Variants in CLSTN2 observed in about 807,000 individuals in gnomAD.
CLSTN2 encodes calsyntenin-2.
A neutral mutation model predicts 101.2 loss-of-function variants in CLSTN2; 48 were observed. The ratio of observed to expected loss-of-function variants is 0.47; its 90% confidence interval spans 0.38 to 0.60. CLSTN2 has a LOEUF of 0.60. Among genes scored for constraint, CLSTN2 ranks in the 20% least tolerant of loss-of-function variants. The pLI is 0.00. For synonymous variants in CLSTN2, 481 were observed against 463.6 expected, an observed-to-expected ratio of 1.04 and a Z score of -0.48; for missense variants, 1,160 against 1,238.2, an observed-to-expected ratio of 0.94 and a Z score of 0.95.
chr3:140,392,774 G>A (rs2088131054), intron 2 of CLSTN2, among the ~76,000 whole-genome samples: 1 of 152,056 alleles, frequency 6.6e-6, no homozygotes, highest in South Asian at 2.1e-4. Flanking sequence ...AGTAGATGGT[G>A]TCTTAGTCTG....
At chr3:140,397,209 G>A (rs2088192345) in intron 2 of CLSTN2, among the ~76,000 whole-genome samples, 1 of 152,068 alleles carries the variant, frequency 6.6e-6, no homozygotes, top group Non-Finnish European at 1.5e-5. Context: ...AAACAGCTAA[G>A]TCCTCATATC....
rs146359309 is a variant in CLSTN2 at position 140,549,586 on chromosome 3, C to T, written c.1674+2905C>T. On this transcript the variant is annotated intron_variant, in intron 10 of 16. Coordinates refer to ENST00000458420, the MANE Select transcript of CLSTN2 (RefSeq NM_022131.3). ...CACAACAAATTAAATACTATGACCC[C>T]ATTTCAAAACTAAGGGGACTGGGGC... is the stretch of plus-strand genomic sequence containing the variant. Among the ~76,000 whole-genome samples, 646 of 150,728 alleles carry T rather than the reference C, an allele frequency of 4.3e-3. 24 individuals are homozygous for T. The highest frequency in any genetic ancestry group is 0.039 in the Admixed American group (594 of 15,084).
At chr3:140,371,826 G>C (rs2087861017) in intron 2 of CLSTN2, among the ~76,000 whole-genome samples, 2 of 152,180 alleles carry the variant, frequency 1.3e-5, no homozygotes, top group Non-Finnish European at 2.9e-5. Context: ...TGGCACTTCT[G>C]ATAAGTGGGC....
chr3:140,076,014 G>C (rs1316231513), intron 1 of CLSTN2, among the ~76,000 whole-genome samples: 1 of 152,060 alleles, frequency 6.6e-6, no homozygotes, highest in Non-Finnish European at 1.5e-5. Flanking sequence ...TAGACCCACT[G>C]TTGTACAGCA....
intron 1 of CLSTN2, among the ~76,000 whole-genome samples, chr3:140,122,764 C>A (rs1219689402): frequency 6.6e-6 from 1 of 152,190 alleles, no homozygotes; most frequent in Non-Finnish European, 1.5e-5. Flanking sequence ...CAAACTTGAT[C>A]TGTAAAGGGT....
intron 2 of CLSTN2, among the ~76,000 whole-genome samples, chr3:140,294,604 G>A (rs1256522862): frequency 4.7e-5 from 7 of 149,818 alleles, no homozygotes; most frequent in Admixed American, 3.3e-4. Context: ...GAAACTCCAT[G>A]AGCCTAGGAG....
chr3:140,499,623 G>A (rs576864590), intron 8 of CLSTN2, among the ~76,000 whole-genome samples: 2 of 152,300 alleles, frequency 1.3e-5, no homozygotes, highest in African/African-American at 4.8e-5. Flanking sequence ...CTCACTGACA[G>A]AATTGCCTAT....
intron 1 of CLSTN2, among the ~76,000 whole-genome samples, chr3:139,960,983 A>G (rs1010680418): frequency 2.0e-5 from 3 of 152,328 alleles, no homozygotes; most frequent in Admixed American, 2.0e-4. Context: ...TCCCTTTGCC[A>G]ATTTGCTAAC....
intron 1 of CLSTN2, among the ~76,000 whole-genome samples, chr3:140,070,020 G>A (rs2008364106): frequency 6.6e-6 from 1 of 152,230 alleles, no homozygotes; most frequent in Non-Finnish European, 1.5e-5. Flanking sequence ...ATGGATGACA[G>A]TGGGAAAGTG....
chr3:139,988,133 G>A lies in CLSTN2; in HGVS notation c.109+52650G>A, dbSNP rs530634462. Among the ~76,000 whole-genome samples the A allele has an allele frequency of 1.2e-4, 18 of 152,288 alleles. No individual in the cohort carries two copies. In the South Asian group the frequency reaches 2.7e-3, roughly 23 times the overall value. ...GGACCTGGGGGCATTTGCTGAGTGC[G>A]GCTGGAGCTGGTGCAGCGCTTGTCC... is the stretch of plus-strand genomic sequence containing the variant. On this transcript the variant is annotated intron_variant, in intron 1 of 16. Transcript: ENST00000458420.
intron 1 of CLSTN2, among the ~76,000 whole-genome samples, chr3:139,973,474 T>C (rs920007919): frequency 6.6e-5 from 10 of 151,770 alleles, no homozygotes; most frequent in African/African-American, 2.4e-4. Flanking sequence ...AACTTGGGGG[T>C]TGGGGGGAAG....
At chr3:140,402,715 C>G (rs2088257694) in intron 2 of CLSTN2, among the ~76,000 whole-genome samples, 1 of 152,200 alleles carries the variant, frequency 6.6e-6, no homozygotes, top group Admixed American at 6.5e-5. Flanking sequence ...AGGGCTGGAG[C>G]ATCTTAGGGT....
chr3:140,181,285 G>A (rs997750672), intron 2 of CLSTN2, among the ~76,000 whole-genome samples: 3 of 152,182 alleles, frequency 2.0e-5, no homozygotes, highest in African/African-American at 7.2e-5. Flanking sequence ...GTAGCCAGTA[G>A]ACACCCAATA....
At chr3:140,107,294 C>T (rs191730866) in intron 1 of CLSTN2, among the ~76,000 whole-genome samples, 2 of 152,296 alleles carry the variant, frequency 1.3e-5, no homozygotes, top group East Asian at 1.9e-4. Context: ...AGATTCCTCT[C>T]CACCTTTTCT....
chr3:140,558,594 T>C, intron 11 of CLSTN2, 46 bp from the exon 12 acceptor site: 1 of 1,524,966 alleles, frequency 6.6e-7, no homozygotes, highest in Non-Finnish European at 9.1e-7. Flanking sequence ...TGACAGATGG[T>C]TTAATTGTTT....
At chr3:140,342,279 AATAGC>A (rs2107936793) in intron 2 of CLSTN2, among the ~76,000 whole-genome samples, 1 of 152,282 alleles carries the variant, frequency 6.6e-6, no homozygotes, top group Admixed American at 6.5e-5. Context: ...ACTAGATGAC[AATAGC>A]ACCACTCCCT....
chr3:140,530,051 C>A (rs950169011), intron 8 of CLSTN2, among the ~76,000 whole-genome samples: 1 of 152,114 alleles, frequency 6.6e-6, no homozygotes, highest in Non-Finnish European at 1.5e-5. Context: ...ATACCTCCAG[C>A]CTTTGACCCA....
intron 8 of CLSTN2, among the ~76,000 whole-genome samples, chr3:140,520,059 C>T (rs1934995529): frequency 6.6e-6 from 1 of 152,186 alleles, no homozygotes; most frequent in African/African-American, 2.4e-5. Flanking sequence ...TTCTCCTTCA[C>T]TTATGAAGCT....
At chr3:140,266,286 G>A (rs2086693419) in intron 2 of CLSTN2, among the ~76,000 whole-genome samples, 1 of 152,246 alleles carries the variant, frequency 6.6e-6, no homozygotes, top group East Asian at 1.9e-4. Flanking sequence ...GCATAAATGA[G>A]CAGAAAATGA....
Sources: gnomAD v4.1 joint callset for allele counts (sites outside exome capture counted in the v4.1 genomes callset) on GRCh38, gnomAD v4.1.1 for gene constraint, MANE v1.5 for transcripts, NCBI Gene and HGNC (gene_info 2026-07-23, HGNC 2026-07-21) for gene names.